PDE4D: variants seen among roughly 807,000 people sequenced by gnomAD.
The protein encoded by PDE4D is phosphodiesterase 4D.
In PDE4D, 24 loss-of-function variants were observed where a neutral mutation model predicts 87.4. The observed-to-expected ratio is 0.27, with a 90% confidence interval of 0.20 to 0.39. PDE4D has a LOEUF of 0.39. Among genes scored for constraint, PDE4D ranks in the 10% least tolerant of loss-of-function variants. PDE4D has a pLI of 1.00. For missense variants in PDE4D, 714 were observed against 1,041.0 expected, an observed-to-expected ratio of 0.69 and a Z score of 4.32; for synonymous variants, 384 against 383.2, an observed-to-expected ratio of 1.00 and a Z score of -0.02.
chr5:59,013,828 C>A (rs114303165), intron 6 of PDE4D, among the ~76,000 whole-genome samples: 1 of 152,028 alleles, frequency 6.6e-6, no homozygotes, highest in South Asian at 2.1e-4. Context: ...CAATGCCTGG[C>A]GGAGACACAA....
intron 2 of PDE4D, among the ~76,000 whole-genome samples, chr5:59,197,825 C>G (rs904118507): frequency 1.3e-5 from 2 of 152,100 alleles, no homozygotes; most frequent in African/African-American, 4.8e-5. Context: ...CAAAAAAATC[C>G]TATGAAATAA....
chr5:59,942,287 G>A (rs1757269435), intron 3 of PDE4D, among the ~76,000 whole-genome samples: 1 of 152,214 alleles, frequency 6.6e-6, no homozygotes, highest in Non-Finnish European at 1.5e-5. Flanking sequence ...CCCTCAAGAT[G>A]TTATGCCAAA....
chr5:60,383,637 C>A (rs182107973), intron 1 of PDE4D, among the ~76,000 whole-genome samples: 1 of 152,060 alleles, frequency 6.6e-6, no homozygotes, highest in Non-Finnish European at 1.5e-5. Flanking sequence ...AGAGAGTTGG[C>A]GGAAAATTTG....
Position 60,498,166 on chromosome 5 carries a change from GCACACA to G in PDE4D, n.70+23879_70+23884del, listed in dbSNP as rs34436235. On this transcript the variant is annotated intron_variant and non_coding_transcript_variant, in intron 1 of 2. Coordinates refer to the PDE4D transcript ENST00000506510. Reference sequence around the variant, plus strand: ...AACCAGTGACTGGAGACACACACATGCACACACACACACACACACACACACACACAC... The same window carrying G: ...AACCAGTGACTGGAGACACACACATGCACACACACACACACACACACACAC... Among the ~76,000 whole-genome samples, 564 of 144,290 alleles carry G rather than the reference GCACACA, an allele frequency of 3.9e-3. 2 individuals are homozygous for G. Among genetic ancestry groups the G allele is most frequent in the African/African-American group, 5.7e-3 (227 of 39,744 alleles). The allele number at this position is 144,290 out of a possible 152,430, so 94.7% of individuals were successfully genotyped here. A position where few individuals can be genotyped will look rare whatever the true frequency, so the allele number is the denominator to read the frequency against.
chr5:59,513,749 G>T (rs1222840052), intron 1 of PDE4D, among the ~76,000 whole-genome samples: 1 of 152,184 alleles, frequency 6.6e-6, no homozygotes. Flanking sequence ...CAATGTGAAA[G>T]AAATCAAACT....
chr5:59,491,071 T>C (rs1034061224), intron 1 of PDE4D, among the ~76,000 whole-genome samples: 1 of 152,212 alleles, frequency 6.6e-6, no homozygotes, highest in African/African-American at 2.4e-5. Flanking sequence ...CAAGCATATC[T>C]GCAATATTTA....
chr5:59,991,661 A>C (rs1763016488), intron 2 of PDE4D, among the ~76,000 whole-genome samples: 1 of 152,172 alleles, frequency 6.6e-6, no homozygotes, highest in African/African-American at 2.4e-5. Context: ...ATGGCAAATC[A>C]ATGTTTCTGT....
chr5:59,471,585 C>T (rs940701291), intron 1 of PDE4D, among the ~76,000 whole-genome samples: 2 of 152,212 alleles, frequency 1.3e-5, no homozygotes, highest in Non-Finnish European at 2.9e-5. Context: ...TCTGTAAATC[C>T]TAAGGATCTT....
rs549986618 is a variant in PDE4D, at chr5:60,124,363, T to G, written c.42+61194A>C. ...AATATTACTACATCTTCCTAGTTCA[T>G]TCACACTCCTGCTTACAGATGATTA... On this transcript the variant is annotated intron_variant, in intron 2 of 16. Transcript: ENST00000502484. Among the ~76,000 whole-genome samples the G allele has an allele frequency of 3.9e-5, 6 of 152,298 alleles. No individual in the cohort carries two copies. The East Asian group carries it at 1.2e-3, about 29-fold the overall frequency.
At chr5:60,292,676 A>T (rs879856229) in intron 1 of PDE4D, among the ~76,000 whole-genome samples, 1 of 152,216 alleles carries the variant, frequency 6.6e-6, no homozygotes, top group Non-Finnish European at 1.5e-5. Flanking sequence ...CAAAAAGTAT[A>T]TGTAAAATAT....
intron 2 of PDE4D, among the ~76,000 whole-genome samples, chr5:60,149,972 T>C (rs952172991): frequency 6.1e-5 from 9 of 147,120 alleles, no homozygotes; most frequent in African/African-American, 2.2e-4. Context: ...GTATATATAA[T>C]ATATACATAT....
At chr5:59,094,432 G>A (rs1769327587) in intron 5 of PDE4D, among the ~76,000 whole-genome samples, 2 of 151,952 alleles carry the variant, frequency 1.3e-5, no homozygotes, top group African/African-American at 2.4e-5. Flanking sequence ...AAGATAATGA[G>A]AATTCAAGGA....
chr5:59,153,983 GAC>G (rs1214722375), intron 5 of PDE4D, among the ~76,000 whole-genome samples: 1 of 152,128 alleles, frequency 6.6e-6, no homozygotes, highest in East Asian at 1.9e-4. Context: ...AGTAAATGAA[GAC>G]AGTTGTGAAA....
At chr5:59,485,974 G>A (rs1318038655) in intron 1 of PDE4D, among the ~76,000 whole-genome samples, 7 of 151,946 alleles carry the variant, frequency 4.6e-5, no homozygotes, top group Non-Finnish European at 1.0e-4. Context: ...TTGGGAAAAG[G>A]GTTTAAGCTT....
At chr5:59,706,411 C>T (rs1219988608) in intron 1 of PDE4D, among the ~76,000 whole-genome samples, 1 of 152,106 alleles carries the variant, frequency 6.6e-6, no homozygotes, top group East Asian at 1.9e-4. Flanking sequence ...CACAGACCTA[C>T]CTTCTTGAAC....
At chr5:59,711,044 T>C (rs2150507292) in intron 1 of PDE4D, among the ~76,000 whole-genome samples, 1 of 152,306 alleles carries the variant, frequency 6.6e-6, no homozygotes, top group South Asian at 2.1e-4. Context: ...AATCACCTCT[T>C]AGAGGGTTCT....
At chr5:59,244,453 T>C (rs200382067) in intron 1 of PDE4D, among the ~76,000 whole-genome samples, 14 of 61,726 alleles carry the variant, frequency 2.3e-4, no homozygotes, top group South Asian at 1.5e-3. Flanking sequence ...TACACACACA[T>C]ATATATATAT....
intron 6 of PDE4D, among the ~76,000 whole-genome samples, chr5:59,037,588 A>G (rs1758746320): frequency 2.0e-5 from 3 of 152,182 alleles, no homozygotes; most frequent in African/African-American, 4.8e-5. Flanking sequence ...AAATTTAGAA[A>G]TGAGGCACAA....
chr5:60,324,135 A>G (rs1756560563), intron 1 of PDE4D, among the ~76,000 whole-genome samples: 1 of 152,196 alleles, frequency 6.6e-6, no homozygotes, highest in African/African-American at 2.4e-5. Flanking sequence ...TTAGCTTAGC[A>G]CCCAACATAT....
Sources: gnomAD v4.1 joint callset for allele counts (sites outside exome capture counted in the v4.1 genomes callset) on GRCh38, gnomAD v4.1.1 for gene constraint, MANE v1.5 for transcripts, NCBI Gene and HGNC (gene_info 2026-07-23, HGNC 2026-07-21) for gene names.